PDE11A: variants seen among roughly 807,000 people sequenced by gnomAD.
The protein encoded by PDE11A is dual 3',5'-cyclic-AMP and -GMP phosphodiesterase 11A.
In PDE11A, 100 loss-of-function variants were observed where a neutral mutation model predicts 100.5. The observed-to-expected ratio is 1.00, with a 90% CI of 0.85 to 1.18. The LOEUF is 1.18. Among genes scored for constraint, PDE11A ranks in the 50% most tolerant of loss-of-function variants. The probability of loss-of-function intolerance (pLI) is 0.00; values close to 1 mark genes in which losing one functional copy is unlikely to be tolerated. For missense variants in PDE11A, 1,141 were observed against 1,152.6 expected (o/e 0.99, Z 0.15); for synonymous variants, 381 against 420.8 (o/e 0.91, Z 1.16).
chr2:177,939,535 G>GGAAGGAAGGAAA (rs2085321599), intron 2 of PDE11A, among the ~76,000 whole-genome samples: 4 of 83,396 alleles, frequency 4.8e-5, no homozygotes, highest in African/African-American at 1.8e-4. Flanking sequence ...GAGGGAGGAA[G>GGAAGGAAGGAAA]GAAGGAAGGA....
At chr2:177,874,961 C>G (rs950223023) in intron 5 of PDE11A, among the ~76,000 whole-genome samples, 1 of 152,140 alleles carries the variant, frequency 6.6e-6, no homozygotes, top group African/African-American at 2.4e-5. Flanking sequence ...CAGTGGTTCG[C>G]ACCTGTAATG....
chr2:177,782,373 CAATA>C (rs1431690259), intron 9 of PDE11A, among the ~76,000 whole-genome samples: 1 of 152,110 alleles, frequency 6.6e-6, no homozygotes, highest in Non-Finnish European at 1.5e-5. Flanking sequence ...GGTTAAAAAG[CAATA>C]AATAAACAAA....
chr2:178,067,983 C>T (rs1458760826), intron 1 of PDE11A, among the ~76,000 whole-genome samples: 1 of 152,182 alleles, frequency 6.6e-6, no homozygotes, highest in Non-Finnish European at 1.5e-5. Flanking sequence ...GCCCATCAAA[C>T]ACCTGTATTA....
intron 2 of PDE11A, among the ~76,000 whole-genome samples, chr2:177,935,385 T>G (rs35641196): frequency 0.086 from 13,164 of 152,200 alleles, 538 homozygotes; most frequent in South Asian, 0.1. Flanking sequence ...AAAACAAGAG[T>G]AGTTTAGCTG....
chr2:177,711,794 C>T lies in PDE11A; in HGVS notation c.2128G>A (p.Gly710Arg), dbSNP rs747036692. Reference sequence around the variant, plus strand: ...TTAGCTTGGAAGGCATTGTTGGTTCCCCTGTGGTCGAGGTCATGACACAGG... The same window carrying T: ...TTAGCTTGGAAGGCATTGTTGGTTCTCCTGTGGTCGAGGTCATGACACAGG... ...GCLCHDLDHRGTNNAFQAKSG... is the reference protein window; with the variant it reads ...GCLCHDLDHRRTNNAFQAKSG... The change falls in exon 13 of 20, where the codon GGA (glycine) becomes AGA (arginine). Residue 710 changes from glycine (G) to arginine (R), a missense_variant. Transcript: ENST00000286063. The T allele has an allele frequency of 1.5e-5, 24 of 1,600,906 alleles. No homozygotes were observed. The highest frequency in any genetic ancestry group is 2.0e-5 in the Non-Finnish European group (23 of 1,168,188).
chr2:178,006,113 C>T (rs1260948042), intron 2 of PDE11A, among the ~76,000 whole-genome samples: 2 of 152,108 alleles, frequency 1.3e-5, no homozygotes, highest in African/African-American at 4.8e-5. Flanking sequence ...TCATTTTGTT[C>T]AATTATTGTG....
At chr2:177,922,945 C>T in intron 2 of PDE11A, 3 of 367,280 alleles carry the variant, frequency 8.2e-6, no homozygotes, top group Non-Finnish European at 1.1e-5. Context: ...CTACTTTGTG[C>T]ATCTGTCAGA....
intron 13 of PDE11A, among the ~76,000 whole-genome samples, chr2:177,706,656 G>C (rs1033175046): frequency 1.3e-5 from 2 of 152,146 alleles, no homozygotes; most frequent in African/African-American, 4.8e-5. Context: ...GTGCAAAAAT[G>C]ACTCCATAAG....
At chr2:177,708,134 C>G (rs1574065784) in intron 13 of PDE11A, among the ~76,000 whole-genome samples, 1 of 152,288 alleles carries the variant, frequency 6.6e-6, no homozygotes, top group Middle Eastern at 3.4e-3. Context: ...ACAATGGGCT[C>G]CAGCTGTTTA....
chr2:177,969,112 T>A (rs2085736144), intron 2 of PDE11A, among the ~76,000 whole-genome samples: 1 of 152,168 alleles, frequency 6.6e-6, no homozygotes, highest in African/African-American at 2.4e-5. Flanking sequence ...GTTCGTGTCC[T>A]TTGCAGGGAC....
chr2:177,889,316 G>T (rs932489118), intron 4 of PDE11A, among the ~76,000 whole-genome samples: 3 of 152,146 alleles, frequency 2.0e-5, no homozygotes, highest in African/African-American at 4.8e-5. Context: ...TTTTTTGTGT[G>T]TAAATGCCCA....
intron 2 of PDE11A, among the ~76,000 whole-genome samples, chr2:177,987,948 T>C (rs1394922339): frequency 2.0e-5 from 3 of 152,150 alleles, no homozygotes; most frequent in Non-Finnish European, 4.4e-5. Flanking sequence ...CTATGTAAAA[T>C]TAAAGTCAGA....
chr2:177,793,554 A>G (rs2105540112), intron 9 of PDE11A, among the ~76,000 whole-genome samples: 2 of 148,768 alleles, frequency 1.3e-5, no homozygotes, highest in East Asian at 3.9e-4. Flanking sequence ...AAAAAAAAAA[A>G]AAAAAAGAGC....
At chr2:177,883,795 T>G (rs1312305422) in intron 4 of PDE11A, among the ~76,000 whole-genome samples, 1 of 152,090 alleles carries the variant, frequency 6.6e-6, no homozygotes, top group African/African-American at 2.4e-5. Context: ...CAGTTAATAC[T>G]CCTAGGTCTG....
intron 9 of PDE11A, among the ~76,000 whole-genome samples, chr2:177,779,843 A>T (rs1204558878): frequency 3.3e-5 from 5 of 152,222 alleles, no homozygotes; most frequent in Non-Finnish European, 7.3e-5. Flanking sequence ...AAATGTTCTT[A>T]ATGGCATTTA....
chr2:177,897,247 T>A (rs2084625314), intron 4 of PDE11A, among the ~76,000 whole-genome samples: 1 of 152,196 alleles, frequency 6.6e-6, no homozygotes, highest in South Asian at 2.1e-4. Context: ...CTTTCAAGAA[T>A]TTAGATTGAT....
At chr2:177,847,878 A>G (rs2083628407) in intron 5 of PDE11A, among the ~76,000 whole-genome samples, 1 of 152,192 alleles carries the variant, frequency 6.6e-6, no homozygotes, top group Non-Finnish European at 1.5e-5. Context: ...CAGGGCTGGG[A>G]TGCCCATTCA....
chr2:178,010,502 T>C (rs972344908), intron 2 of PDE11A, among the ~76,000 whole-genome samples: 1 of 152,172 alleles, frequency 6.6e-6, no homozygotes. Context: ...ATCTATAACA[T>C]GGAATGAGAG....
chr2:177,877,196 A>C (rs1200656583), intron 4 of PDE11A, among the ~76,000 whole-genome samples: 2 of 142,376 alleles, frequency 1.4e-5, no homozygotes, highest in Non-Finnish European at 3.0e-5. Context: ...ACAGGTTCTC[A>C]CTCTGTCGCA....
Sources: gnomAD v4.1 joint callset for allele counts (sites outside exome capture counted in the v4.1 genomes callset) on GRCh38, gnomAD v4.1.1 for gene constraint, MANE v1.5 for transcripts, NCBI Gene and HGNC (gene_info 2026-07-23, HGNC 2026-07-21) for gene names.